The following GFRA1 variants were observed in gnomAD, a reference collection of about 807,000 sequenced individuals.
The protein encoded by GFRA1 is GDNF family receptor alpha-1.
Under a neutral mutation model 51.6 loss-of-function variants are expected in GFRA1, and 16 were observed. The ratio of observed to expected loss-of-function variants is 0.31; its 90% confidence interval spans 0.21 to 0.47. The LOEUF (loss-of-function observed/expected upper bound fraction) is 0.47, where lower values mean the gene tolerates loss of function less well. Ranked by LOEUF, GFRA1 falls within the 20% of genes least tolerant of loss-of-function variation. GFRA1 has a pLI of 1.00. For missense variants in GFRA1, 530 were observed against 594.3 expected (o/e 0.89, Z 1.13); for synonymous variants, 270 against 241.3 (o/e 1.12, Z -1.10).
chr10:116,240,399 A>G (rs1359059436), intron 4 of GFRA1, among the ~76,000 whole-genome samples: 1 of 152,196 alleles, frequency 6.6e-6, no homozygotes, highest in Non-Finnish European at 1.5e-5. Flanking sequence ...TTAAGACCAA[A>G]TACTTGGCAC....
intron 9 of GFRA1, among the ~76,000 whole-genome samples, chr10:116,069,444 A>G (rs1179693127): frequency 1.3e-5 from 2 of 152,156 alleles, no homozygotes; most frequent in African/African-American, 4.8e-5. Flanking sequence ...TCCCCAAACC[A>G]AACGCCTTCC....
At chr10:116,231,223 A>G (rs564619809) in intron 4 of GFRA1, among the ~76,000 whole-genome samples, 2 of 152,314 alleles carry the variant, frequency 1.3e-5, no homozygotes, top group East Asian at 1.9e-4. Context: ...AACCAGGCAC[A>G]AGACCTGTCC....
chr10:116,106,691 ACT>A (rs1230526075), intron 6 of GFRA1, among the ~76,000 whole-genome samples: 1 of 150,840 alleles, frequency 6.6e-6, no homozygotes, highest in African/African-American at 2.4e-5. Context: ...ATACTTTCGG[ACT>A]CTCAAAGGAA....
In GFRA1 at chr10:116,151,004, CTTT is replaced by C. The variant is rs778616310; in HGVS notation, c.434-25450_434-25448del. 4.5e-3 allele frequency among the ~76,000 whole-genome samples: 660 copies of C among 146,684 alleles called. 2 individuals carry two copies. The highest frequency in any genetic ancestry group is 0.018 in the Middle Eastern group (5 of 282). On this transcript the variant is annotated intron_variant, in intron 5 of 10. Coordinates refer to ENST00000355422, the MANE Select transcript of GFRA1 (RefSeq NM_005264.8). ...AAATGAGCACTGGCATTGAGCTGCACTTTTTTTTTTTTCTAAACGGGAAAAAGG... is the reference window on the plus strand; with the variant it reads ...AAATGAGCACTGGCATTGAGCTGCACTTTTTTTTTCTAAACGGGAAAAAGG...
intron 5 of GFRA1, among the ~76,000 whole-genome samples, chr10:116,148,512 A>AG (rs5788140): frequency 1 from 151,982 of 152,226 alleles, 75,870 homozygotes; most frequent in Non-Finnish European, 1. Context: ...TACAAACCTC[A>AG]GGGGTTGTTT....
chr10:116,134,110 A>G (rs970290845), intron 5 of GFRA1, among the ~76,000 whole-genome samples: 2 of 152,226 alleles, frequency 1.3e-5, no homozygotes, highest in African/African-American at 4.8e-5. Flanking sequence ...AACAGTAAAT[A>G]TATTAAAATC....
At chr10:116,236,556 G>A (rs1966884851) in intron 4 of GFRA1, among the ~76,000 whole-genome samples, 1 of 152,050 alleles carries the variant, frequency 6.6e-6, no homozygotes, top group Non-Finnish European at 1.5e-5. Flanking sequence ...ATTAGAAGCA[G>A]GCAACTGATG....
chr10:116,133,736 G>A (rs12762058), intron 5 of GFRA1, among the ~76,000 whole-genome samples: 32,342 of 152,196 alleles, frequency 0.21, 3,521 homozygotes, highest in Middle Eastern at 0.26. Flanking sequence ...GCCTCTCCGC[G>A]GTCTGCGGCT....
At chr10:116,091,266 A>C (rs1344881099) in intron 8 of GFRA1, among the ~76,000 whole-genome samples, 1 of 152,256 alleles carries the variant, frequency 6.6e-6, no homozygotes, top group Non-Finnish European at 1.5e-5. Flanking sequence ...CAGGCACTGA[A>C]CTATGCATGG....
intron 5 of GFRA1, among the ~76,000 whole-genome samples, chr10:116,210,490 T>C (rs1174308159): frequency 6.6e-6 from 1 of 152,232 alleles, no homozygotes; most frequent in East Asian, 1.9e-4. Flanking sequence ...CGATACCTTT[T>C]CAATTTTGCT....
chr10:116,269,858 T>C (rs934696851), intron 3 of GFRA1, among the ~76,000 whole-genome samples: 8 of 151,952 alleles, frequency 5.3e-5, no homozygotes, highest in African/African-American at 1.7e-4. Context: ...TGCAAAGGAA[T>C]AGAAATCAGA....
At chr10:116,156,293 T>C (rs1011098874) in intron 5 of GFRA1, among the ~76,000 whole-genome samples, 4 of 152,204 alleles carry the variant, frequency 2.6e-5, no homozygotes, top group Non-Finnish European at 5.9e-5. Context: ...AAATGACAGG[T>C]CATTAGGAGG....
intron 5 of GFRA1, among the ~76,000 whole-genome samples, chr10:116,185,015 A>T (rs1047451838): frequency 2.6e-5 from 4 of 152,010 alleles, no homozygotes; most frequent in Admixed American, 6.5e-5. Flanking sequence ...CGAAAAATAT[A>T]TTTTTTTCCT....
chr10:116,175,770 C>A (rs1961523486), intron 5 of GFRA1, among the ~76,000 whole-genome samples: 1 of 152,202 alleles, frequency 6.6e-6, no homozygotes, highest in African/African-American at 2.4e-5. Flanking sequence ...CATTCAGCAG[C>A]ACTGCTTTTC....
intron 5 of GFRA1, among the ~76,000 whole-genome samples, chr10:116,181,399 G>A (rs965154268): frequency 2.6e-5 from 4 of 152,152 alleles, no homozygotes; most frequent in Non-Finnish European, 5.9e-5. Flanking sequence ...CACCACTGCT[G>A]GCCTCACAAC....
chr10:116,250,823 G>A (rs888603931), intron 4 of GFRA1, among the ~76,000 whole-genome samples: 2 of 152,206 alleles, frequency 1.3e-5, no homozygotes, highest in Admixed American at 6.5e-5. Context: ...CCCATTGCTA[G>A]CCCCCTGCAC....
chr10:116,170,606 A>G (rs945018690), intron 5 of GFRA1, among the ~76,000 whole-genome samples: 3 of 152,214 alleles, frequency 2.0e-5, no homozygotes, highest in Non-Finnish European at 4.4e-5. Context: ...CTTTTCATGG[A>G]AATTTATTCA....
At chr10:116,167,015 G>A (rs1011445260) in intron 5 of GFRA1, among the ~76,000 whole-genome samples, 2 of 151,626 alleles carry the variant, frequency 1.3e-5, no homozygotes, top group African/African-American at 4.8e-5. Flanking sequence ...TAGCCAGGAT[G>A]GTCTCAATCT....
At chr10:116,113,932 C>T (rs542946095) in intron 6 of GFRA1, among the ~76,000 whole-genome samples, 57 of 152,318 alleles carry the variant, frequency 3.7e-4, no homozygotes, top group African/African-American at 1.3e-3. Context: ...CCACCGTCAC[C>T]GCCATCCACT....
Sources: allele counts gnomAD v4.1 joint callset (sites outside exome capture counted in the v4.1 genomes callset), GRCh38; gene constraint gnomAD v4.1.1; transcripts MANE v1.5; gene names NCBI Gene and HGNC (gene_info 2026-07-23, HGNC 2026-07-21).